POU2F3: variants seen among roughly 807,000 people sequenced by gnomAD.
POU2F3 encodes the protein POU class 2 homeobox 3, also known as POU domain, class 2, transcription factor 3.
POU2F3 carries 23 observed loss-of-function variants against 59.2 expected under a neutral mutation model. The observed-to-expected ratio is 0.39, with a 90% CI of 0.28 to 0.55. The LOEUF (loss-of-function observed/expected upper bound fraction) is 0.55. Ranked by LOEUF, POU2F3 falls within the 20% of genes least tolerant of loss-of-function variation. POU2F3 has a pLI of 0.66. For missense variants in POU2F3, 473 were observed against 544.5 expected, an observed-to-expected ratio of 0.87 and a Z score of 1.31; for synonymous variants, 190 against 214.6, an observed-to-expected ratio of 0.89 and a Z score of 1.00.
intron 2 of POU2F3, chr11:120,265,746 C>T (rs1277719408): frequency 6.6e-6 from 1 of 152,172 alleles, no homozygotes; most frequent in Non-Finnish European, 1.5e-5. Context: ...CCTGATGACC[C>T]TCTCCAAGTC....
At chr11:120,239,577 C>T (rs1249910092), upstream of POU2F3, among the ~76,000 whole-genome samples, 1 of 152,180 alleles carries the variant, frequency 6.6e-6, no homozygotes, top group African/African-American at 2.4e-5. Flanking sequence ...ATAAACTGCA[C>T]CCCGTCTAAA....
intron 2 of POU2F3, among the ~76,000 whole-genome samples, chr11:120,253,184 A>G (rs908260768): frequency 2.6e-5 from 4 of 152,140 alleles, no homozygotes; most frequent in African/African-American, 9.7e-5. Flanking sequence ...TGCGTACTCA[A>G]CAGCACCAAA....
At chr11:120,273,954 G>A (rs1350485420) in intron 3 of POU2F3, among the ~76,000 whole-genome samples, 1 of 151,934 alleles carries the variant, frequency 6.6e-6, no homozygotes, top group Non-Finnish European at 1.5e-5. Flanking sequence ...GGAGGTGGAG[G>A]TGGCAGTGAA....
At chr11:120,263,824 G>A (rs1468489628) in intron 2 of POU2F3, among the ~76,000 whole-genome samples, 1 of 152,186 alleles carries the variant, frequency 6.6e-6, no homozygotes, top group African/African-American at 2.4e-5. Flanking sequence ...GCCAGGGCTT[G>A]GAAATAGAAC....
At chr11:120,316,211 G>T (rs1941785860) in intron 11 of POU2F3, among the ~76,000 whole-genome samples, 1 of 152,166 alleles carries the variant, frequency 6.6e-6, no homozygotes, top group Non-Finnish European at 1.5e-5. Context: ...TCTTAGTTTG[G>T]ATGGTAAAAT....
chr11:120,243,009 G>A (rs990956609), intron 1 of POU2F3, among the ~76,000 whole-genome samples: 1 of 152,110 alleles, frequency 6.6e-6, no homozygotes, highest in Non-Finnish European at 1.5e-5. Context: ...TCTCCTCACT[G>A]TGAGCTTTTC....
intron 6 of POU2F3, chr11:120,302,692 G>T: frequency 3.6e-6 from 1 of 281,458 alleles, no homozygotes; most frequent in East Asian, 8.0e-5. Context: ...CACTTCTCAG[G>T]CATACCAAGA....
chr11:120,317,450 T>G, intron 12 of POU2F3, 86 bp downstream of exon 12: 1 of 1,552,732 alleles, frequency 6.4e-7, no homozygotes. Context: ...GAAAGAAAGC[T>G]TGTCATAGAA....
intron 1 of POU2F3, among the ~76,000 whole-genome samples, chr11:120,242,108 C>T (rs566808574): frequency 6.6e-6 from 1 of 152,304 alleles, no homozygotes; most frequent in South Asian, 2.1e-4. Context: ...TCTCCATTTG[C>T]CTGCTCCCTC....
chr11:120,258,493 A>G (rs912568514), intron 2 of POU2F3, among the ~76,000 whole-genome samples: 3 of 152,016 alleles, frequency 2.0e-5, no homozygotes, highest in Admixed American at 1.3e-4. Context: ...CTTACCTGTA[A>G]ATGGTGGGTC....
intron 3 of POU2F3, among the ~76,000 whole-genome samples, chr11:120,271,547 G>C (rs1288313242): frequency 1.3e-5 from 2 of 152,240 alleles, no homozygotes; most frequent in African/African-American, 2.4e-5. Context: ...AGATGCACGG[G>C]GAGGAGCCTC....
chr11:120,243,068 T>C (rs145741000), intron 1 of POU2F3, among the ~76,000 whole-genome samples: 139 of 152,112 alleles, frequency 9.1e-4, no homozygotes, highest in African/African-American at 3.2e-3. Flanking sequence ...CGGGTGCCAA[T>C]TGGAGCTCAG....
chr11:120,246,052 C>G (rs146968251), intron 1 of POU2F3, among the ~76,000 whole-genome samples: 43 of 152,244 alleles, frequency 2.8e-4, no homozygotes, highest in African/African-American at 9.6e-4. Flanking sequence ...AGGGATAATT[C>G]TTTCACTATT....
At chr11:120,288,820 T>C (rs1940917736) in intron 3 of POU2F3, among the ~76,000 whole-genome samples, 1 of 149,868 alleles carries the variant, frequency 6.7e-6, no homozygotes, top group African/African-American at 2.5e-5. Flanking sequence ...CGCACATGTA[T>C]GTATTACATA....
intron 1 of POU2F3, among the ~76,000 whole-genome samples, chr11:120,245,610 C>T (rs1054718748): frequency 3.9e-5 from 6 of 152,136 alleles, no homozygotes; most frequent in African/African-American, 1.4e-4. Context: ...TCTTCTTCCC[C>T]CTGCTGACCC....
chr11:120,250,972 G>A lies in POU2F3; in HGVS notation c.97+4455G>A, dbSNP rs770674244. 7.3e-5 allele frequency among the ~76,000 whole-genome samples: 11 copies of A among 150,026 alleles called. 1 individual carries two copies. In the South Asian group the frequency reaches 1.7e-3, roughly 23 times the overall value. On this transcript the variant is annotated intron_variant, in intron 2 of 12. Coordinates refer to ENST00000543440, the MANE Select transcript of POU2F3 (RefSeq NM_014352.4). Reference sequence around the variant, plus strand: ...AGCCTGGGTGACAGAGCAAAACTCCGTCTCAAAAAAAAAAAAACAGGGTCT... The same window carrying A: ...AGCCTGGGTGACAGAGCAAAACTCCATCTCAAAAAAAAAAAAACAGGGTCT...
intron 3 of POU2F3, among the ~76,000 whole-genome samples, chr11:120,293,847 G>T (rs1941111842): frequency 6.6e-6 from 1 of 152,148 alleles, no homozygotes; most frequent in Non-Finnish European, 1.5e-5. Context: ...GTCACCGATG[G>T]TCTATTCTCT....
rs1242827250 is a variant in POU2F3 at position 120,274,108 on chromosome 11, AAAG to A, written c.132+4865_132+4867del. Among the ~76,000 whole-genome samples, 7 of 116,228 alleles carry A rather than the reference AAAG, an allele frequency of 6.0e-5. No homozygotes were observed. In the East Asian group the frequency reaches 1.7e-3, roughly 29 times the overall value. The allele number at this position is 116,228 out of a possible 152,430, so 76.3% of individuals were successfully genotyped here. ...GAAAGAAAGGAAGGAAGGAAGGAAG[AAAG>A]GAAGGAAGGAAGGAAGGAAGGAAGG... is the stretch of plus-strand genomic sequence containing the variant. On this transcript the variant is annotated intron_variant, in intron 3 of 12. Coordinates refer to ENST00000543440, the MANE Select transcript of POU2F3 (RefSeq NM_014352.4).
intron 3 of POU2F3, among the ~76,000 whole-genome samples, chr11:120,280,647 A>AGAGT (rs1555075261): frequency 0.22 from 32,754 of 151,294 alleles, 3,740 homozygotes; most frequent in Admixed American, 0.34. Flanking sequence ...AGAGAGAGAG[A>AGAGT]GTGTGTTTGT....
Sources: gnomAD v4.1 joint callset for allele counts (sites outside exome capture counted in the v4.1 genomes callset) on GRCh38, gnomAD v4.1.1 for gene constraint, MANE v1.5 for transcripts, NCBI Gene and HGNC (gene_info 2026-07-23, HGNC 2026-07-21) for gene names.